The following IQANK1 variants were observed in gnomAD, a reference collection of about 807,000 sequenced individuals.
IQANK1 encodes IQ motif and ankyrin repeat domain-containing protein 1.
IQANK1 carries 30 observed loss-of-function variants against 22.6 expected under a neutral mutation model. The observed-to-expected ratio is 1.33, with a 90% CI of 0.99 to 1.80. The LOEUF (loss-of-function observed/expected upper bound fraction) is 1.80, where lower values mean the gene tolerates loss of function less well. IQANK1 is among the 40% of genes most tolerant of loss of function. The probability of loss-of-function intolerance (pLI) is 0.00; values close to 1 mark genes in which losing one functional copy is unlikely to be tolerated. For synonymous variants in IQANK1, 122 were observed against 99.6 expected, an observed-to-expected ratio of 1.23 and a Z score of -1.34; for missense variants, 275 against 235.2, an observed-to-expected ratio of 1.17 and a Z score of -1.11.
chr8:143,743,128 TGAC>T (rs1554626845), intron 3 of IQANK1: 2 of 430,940 alleles, frequency 4.6e-6, no homozygotes, highest in Admixed American at 4.9e-5. Flanking sequence ...CTTGCCAGGC[TGAC>T]GTCGAGGAAA....
intron 7 of IQANK1, among the ~76,000 whole-genome samples, chr8:143,787,526 T>C (rs965766777): frequency 6.6e-6 from 1 of 152,122 alleles, no homozygotes; most frequent in Non-Finnish European, 1.5e-5. Context: ...CCACTGCTTC[T>C]CTCCCTCTCG....
chr8:143,782,167 T>A (rs535102861), intron 7 of IQANK1, among the ~76,000 whole-genome samples: 2 of 152,342 alleles, frequency 1.3e-5, no homozygotes, highest in African/African-American at 4.8e-5. Flanking sequence ...TTATTTTGTA[T>A]CCTGAAACTT....
intron 3 of IQANK1, among the ~76,000 whole-genome samples, chr8:143,757,418 G>A (rs568806757): frequency 1.8e-4 from 27 of 151,290 alleles, no homozygotes; most frequent in African/African-American, 6.1e-4. Context: ...CTCACTGCAA[G>A]CTCCGCCTCC....
intron 3 of IQANK1, among the ~76,000 whole-genome samples, chr8:143,770,414 C>T (rs1173511738): frequency 6.6e-6 from 1 of 152,184 alleles, no homozygotes; most frequent in Non-Finnish European, 1.5e-5. Flanking sequence ...CTCCTGACGG[C>T]GCCTCTCCCT....
intron 7 of IQANK1, among the ~76,000 whole-genome samples, chr8:143,777,033 G>A (rs1002334697): frequency 2.6e-5 from 4 of 152,078 alleles, no homozygotes; most frequent in Admixed American, 6.6e-5. Flanking sequence ...TGCTGAAGGG[G>A]AAGGATCACT....
chr8:143,747,600 T>G (rs1554627347), intron 3 of IQANK1, among the ~76,000 whole-genome samples: 1 of 144,142 alleles, frequency 6.9e-6, no homozygotes, highest in African/African-American at 3.0e-5. Flanking sequence ...CTAATTTTCT[T>G]TGTGATTTCT....
In IQANK1 at chr8:143,766,953, C is replaced by T. The variant is rs529832084; in HGVS notation, c.176-4535C>T. 6.2e-4 allele frequency among the ~76,000 whole-genome samples: 94 copies of T among 152,360 alleles called. 1 individual carries two copies. The highest frequency in any genetic ancestry group is 3.8e-3 in the Admixed American group (58 of 15,304). On this transcript the variant is annotated intron_variant, in intron 3 of 13. Transcript: ENST00000527139. Reference sequence around the variant, plus strand: ...TGACTGAAATCTCTATTCTTTCCCACGGCTCTGTAGGCCCCCTGGCCAGGA... The same window carrying T: ...TGACTGAAATCTCTATTCTTTCCCATGGCTCTGTAGGCCCCCTGGCCAGGA...
chr8:143,757,196 A>G (rs1239090351), intron 3 of IQANK1, among the ~76,000 whole-genome samples: 7 of 152,226 alleles, frequency 4.6e-5, no homozygotes, highest in Admixed American at 6.5e-5. Context: ...CTTCTTGCCC[A>G]GGGGCCAACT....
chr8:143,737,907 C>G (rs530679342), intron 2 of IQANK1, among the ~76,000 whole-genome samples: 2 of 152,350 alleles, frequency 1.3e-5, no homozygotes, highest in South Asian at 4.1e-4. Flanking sequence ...CTCAGCAGTT[C>G]GGGGCCCAGG....
chr8:143,787,361 G>A (rs1429267140), intron 7 of IQANK1, among the ~76,000 whole-genome samples: 1 of 152,128 alleles, frequency 6.6e-6, no homozygotes, highest in East Asian at 1.9e-4. Flanking sequence ...CCGTGGAGGT[G>A]AGTTTACCAC....
At chr8:143,750,652 A>G (rs1181645536) in intron 3 of IQANK1, among the ~76,000 whole-genome samples, 1 of 152,102 alleles carries the variant, frequency 6.6e-6, no homozygotes, top group East Asian at 1.9e-4. Flanking sequence ...CCTGGGCCAC[A>G]TTCTACAGAA....
At position 143,749,538 on chromosome 8, in the gene IQANK1, A is replaced by G. The variant is rs1318057484; in HGVS notation, c.175+9590A>G. 3.2e-4 allele frequency among the ~76,000 whole-genome samples: 44 copies of G among 137,290 alleles called. No individual in the cohort carries two copies. The South Asian group carries it at 4.3e-3, about 13-fold the overall frequency. 90.1% of individuals were successfully genotyped at this position (137,290 alleles called of 152,430 possible). A position where few individuals can be genotyped will look rare whatever the true frequency, so the allele number is the denominator to read the frequency against. ...AAAAATATATATCACATAAAAATATATGATATATATGATATATATCATATA... is the reference window on the plus strand; with the variant it reads ...AAAAATATATATCACATAAAAATATGTGATATATATGATATATATCATATA... On this transcript the variant is annotated intron_variant, in intron 3 of 13. Coordinates refer to ENST00000527139, the MANE Select transcript of IQANK1 (RefSeq NM_001381874.1).
At chr8:143,749,443 ATATAT>A (rs1192354789) in intron 3 of IQANK1, among the ~76,000 whole-genome samples, 10 of 135,890 alleles carry the variant, frequency 7.4e-5, no homozygotes, top group African/African-American at 2.5e-4. Flanking sequence ...ATATATAATT[ATATAT>A]TATATATCAT....
intron 2 of IQANK1, among the ~76,000 whole-genome samples, chr8:143,739,064 C>T (rs1365675816): frequency 6.6e-6 from 1 of 152,196 alleles, no homozygotes; most frequent in Non-Finnish European, 1.5e-5. Flanking sequence ...AAAGTCCTGG[C>T]GGTCATGGAG....
intron 3 of IQANK1, among the ~76,000 whole-genome samples, chr8:143,764,862 T>C (rs1587484068): frequency 6.6e-6 from 1 of 152,054 alleles, no homozygotes; most frequent in East Asian, 1.9e-4. Flanking sequence ...CTCTTAAAAA[T>C]TGTGTACAAA....
chr8:143,765,574 A>G (rs561016002), intron 3 of IQANK1, among the ~76,000 whole-genome samples: 4 of 152,228 alleles, frequency 2.6e-5, no homozygotes, highest in African/African-American at 9.6e-5. Flanking sequence ...CCATTGCTCT[A>G]TGGATTACTT....
intron 3 of IQANK1, among the ~76,000 whole-genome samples, chr8:143,765,061 A>G (rs1015849351): frequency 6.6e-6 from 1 of 152,182 alleles, no homozygotes. Context: ...TTCAAGAATC[A>G]TATATATAGC....
At chr8:143,776,009 G>T (rs111444538) in intron 7 of IQANK1, among the ~76,000 whole-genome samples, 5,963 of 145,756 alleles carry the variant, frequency 0.041, 359 homozygotes, top group African/African-American at 0.15. Context: ...GAGGAGGGCC[G>T]GGCGCGGTGG....
intron 3 of IQANK1, among the ~76,000 whole-genome samples, chr8:143,751,650 G>GTATATATATA (rs1223222979): frequency 1.1e-4 from 3 of 27,850 alleles, no homozygotes; most frequent in Admixed American, 5.3e-4. Flanking sequence ...GTGTGTGTGT[G>GTATATATATA]TGTGTGTGTG....
Sources: gnomAD v4.1 joint callset for allele counts (sites outside exome capture counted in the v4.1 genomes callset) on GRCh38, gnomAD v4.1.1 for gene constraint, MANE v1.5 for transcripts, NCBI Gene and HGNC (gene_info 2026-07-23, HGNC 2026-07-21) for gene names.